STK40: variants seen among roughly 807,000 people sequenced by gnomAD.
STK40 encodes serine/threonine kinase 40, also known as serine/threonine-protein kinase 40.
In STK40, 13 loss-of-function variants were observed where a neutral mutation model predicts 47.9. That is an observed-to-expected ratio of 0.27 (90% CI 0.18 to 0.43). The LOEUF (loss-of-function observed/expected upper bound fraction) is 0.43. STK40 is among the 20% of genes least tolerant of loss of function. The pLI is 1.00. For synonymous variants in STK40, 225 were observed against 243.2 expected (o/e 0.93, Z 0.69); for missense variants, 460 against 595.1 (o/e 0.77, Z 2.36).
chr1:36,382,872 T>C (rs752256422), intron 1 of STK40, among the ~76,000 whole-genome samples: 4 of 152,214 alleles, frequency 2.6e-5, no homozygotes, highest in Admixed American at 6.5e-5. Context: ...ATGAGAAAGC[T>C]GTGGTGGAGA....
rs200829742 is a variant in STK40, at chr1:36,344,104, G to A, written c.884+16C>T. 1,798 of 715,918 alleles carry A rather than the reference G, an allele frequency of 2.5e-3. 12 individuals are homozygous for A. The African/African-American group carries it at 0.038, about 15-fold the overall frequency. 44.3% of individuals were successfully genotyped at this position (715,918 alleles called of 1,614,324 possible). A position where few individuals can be genotyped will look rare whatever the true frequency, so the allele number is the denominator to read the frequency against. On this transcript the variant is annotated intron_variant, in intron 8 of 10. Coordinates refer to ENST00000373132, the MANE Select transcript of STK40 (RefSeq NM_001282547.2). ...AGGCTGGCTGCCCCCCCCACCCCCC[G>A]GGAGGCAGGACTCACTCAGGAATGG...
In STK40 at chr1:36,385,336, CT is replaced by C. The variant is rs1462288430; in HGVS notation, c.-9+386del. Reference sequence around the variant, plus strand: ...GGCTGGCCCTCCCTGGGGACTCGTTCTAACTATCAAGTCACCCTCGGGATTA... The same window carrying C: ...GGCTGGCCCTCCCTGGGGACTCGTTCAACTATCAAGTCACCCTCGGGATTA... On this transcript the variant is annotated intron_variant, in intron 1 of 10. Coordinates refer to ENST00000373132, the MANE Select transcript of STK40 (RefSeq NM_001282547.2). Among the ~76,000 whole-genome samples, 515 of 139,482 alleles carry C rather than the reference CT, an allele frequency of 3.7e-3. 3 individuals are homozygous for C. Among genetic ancestry groups the C allele is most frequent in the African/African-American group, 0.017 (488 of 29,494 alleles). 91.5% of individuals were successfully genotyped at this position (139,482 alleles called of 152,430 possible). A position where few individuals can be genotyped will look rare whatever the true frequency, so the allele number is the denominator to read the frequency against.
At chr1:36,353,407 A>G (rs1646776342) in intron 6 of STK40, among the ~76,000 whole-genome samples, 1 of 152,154 alleles carries the variant, frequency 6.6e-6, no homozygotes, top group Admixed American at 6.5e-5. Flanking sequence ...ATCACTCCAA[A>G]GAGGCCCAGG....
chr1:36,345,992 T>TATATATATATATATATA (rs1553135170), intron 7 of STK40, among the ~76,000 whole-genome samples: 2 of 19,510 alleles, frequency 1.0e-4, no homozygotes, highest in African/African-American at 3.3e-4. Flanking sequence ...TATATATATA[T>TATATATATATATATATA]TTTTTTTTTT....
chr1:36,366,232 G>A (rs1302272473), intron 1 of STK40, among the ~76,000 whole-genome samples: 1 of 152,206 alleles, frequency 6.6e-6, no homozygotes, highest in Non-Finnish European at 1.5e-5. Flanking sequence ...CTGCAGCACA[G>A]ACAATCAGTG....
At position 36,354,461 on chromosome 1, in the gene STK40, TG is replaced by T. The variant is rs763451544; in HGVS notation, c.571-46del. 1.3e-4 allele frequency: 206 copies of T among 1,610,540 alleles called. 1 individual carries two copies. In the South Asian group the frequency reaches 1.9e-3, roughly 15 times the overall value. ...TGGTTTACATTGTCAATGTGAGAGG[TG>T]GGGTCAGGGCCCACCCTGTAAGATG... On this transcript the variant is annotated intron_variant, in intron 5 of 10. Coordinates refer to ENST00000373132, the MANE Select transcript of STK40 (RefSeq NM_001282547.2).
In STK40 at chr1:36,355,415, C is replaced by T. The variant is rs142405214; in HGVS notation, c.361G>A (p.Val121Ile). ...GLFQDRTCEI[V>I]EDTESSRMVK... ...ATCCGGCTGGATTCTGTGTCCTCAA[C>T]GATTTCACAGGTGCGGTCCTGGGAG... The change falls in exon 5 of 11, where the codon GTT becomes ATT. Residue 121 changes from valine to isoleucine, a missense_variant. Val to Ile is a conservative substitution (Grantham distance 29, BLOSUM62 3). Coordinates refer to ENST00000373132, the MANE Select transcript of STK40 (RefSeq NM_001282547.2). 3 of 1,614,074 alleles carry T rather than the reference C, an allele frequency of 1.9e-6. No homozygotes were observed. The highest frequency in any genetic ancestry group is 2.5e-6 in the Non-Finnish European group (3 of 1,180,036).
chr1:36,367,001 ATT>A (rs1273810393), intron 1 of STK40, among the ~76,000 whole-genome samples: 11,374 of 134,442 alleles, frequency 0.085, 1,486 homozygotes, highest in African/African-American at 0.29. Flanking sequence ...CACCCAGCTA[ATT>A]TTTTTTTTTT....
intron 6 of STK40, among the ~76,000 whole-genome samples, chr1:36,352,284 G>A (rs1051516854): frequency 3.3e-5 from 5 of 152,216 alleles, no homozygotes; most frequent in Admixed American, 3.3e-4. Flanking sequence ...TCCAGTCCTG[G>A]CTACATTAGC....
At chr1:36,377,935 GTCTCA>G (rs1379149719) in intron 1 of STK40, among the ~76,000 whole-genome samples, 1 of 152,212 alleles carries the variant, frequency 6.6e-6, no homozygotes, top group African/African-American at 2.4e-5. Context: ...AAAGCCCTGT[GTCTCA>G]TGACTACCTT....
intron 1 of STK40, among the ~76,000 whole-genome samples, chr1:36,380,155 G>C (rs778315245): frequency 2.3e-4 from 35 of 152,216 alleles, no homozygotes; most frequent in Non-Finnish European, 4.4e-4. Flanking sequence ...AGGATATGCG[G>C]GGGCTGCTGT....
Position 36,358,402 on chromosome 1 carries a change from T to C in STK40, c.199-20A>G. 1 of 1,581,366 alleles carries C rather than the reference T, an allele frequency of 6.3e-7. No homozygotes were observed. Among genetic ancestry groups the C allele is most frequent in the Non-Finnish European group, 8.7e-7 (1 of 1,155,770 alleles). On this transcript the variant is annotated intron_variant, in intron 3 of 10. Transcript: ENST00000373132. ...CAGGATCTTTAGGAAAGCATAAAAA[T>C]AAAACCAAAACCAGAACACCTCACT... is the stretch of plus-strand genomic sequence containing the variant.
intron 5 of STK40, among the ~76,000 whole-genome samples, chr1:36,354,664 C>T (rs1435320522): frequency 6.6e-6 from 1 of 152,150 alleles, no homozygotes; most frequent in African/African-American, 2.4e-5. Flanking sequence ...GCTCTTTCTC[C>T]CCTCAGGGCA....
chr1:36,354,821 C>T (rs1646788838), intron 5 of STK40, among the ~76,000 whole-genome samples: 1 of 152,200 alleles, frequency 6.6e-6, no homozygotes, highest in African/African-American at 2.4e-5. Flanking sequence ...CGGGAAGAGG[C>T]TCAGGCTCTC....
Position 36,385,864 on chromosome 1 carries a change from G to T in STK40, c.-150C>A, listed in dbSNP as rs556587459. 2.2e-3 allele frequency: 392 copies of T among 176,932 alleles called. No homozygotes were observed. The highest frequency in any genetic ancestry group is 5.0e-3 in the South Asian group (37 of 7,458). The allele number at this position is 176,932 out of a possible 1,614,324, so 11.0% of individuals were successfully genotyped here. ...GCCTCCCAGCGCAGCCACCCGAGCC[G>T]CCGCCGCCGCCGCCGCCGCCTCCCT... On this transcript the variant is annotated 5_prime_UTR_variant, in exon 1 of 11. Coordinates refer to ENST00000373132, the MANE Select transcript of STK40 (RefSeq NM_001282547.2).
In STK40 at chr1:36,341,049, G is replaced by A. The variant is rs1646642189; in HGVS notation, c.*706C>T. The A allele has an allele frequency of 6.6e-6, 1 of 152,646 alleles. No homozygotes were observed. Among genetic ancestry groups the A allele is most frequent in the African/African-American group, 2.4e-5 (1 of 41,562 alleles). The allele number at this position is 152,646 out of a possible 1,614,324, so 9.5% of individuals were successfully genotyped here. A position where few individuals can be genotyped will look rare whatever the true frequency, so the allele number is the denominator to read the frequency against. ...GGACTGGTGGGCTGAAAGGGGACAG[G>A]GACTGGCAGGAGGGGCTTCCCTGCC... On this transcript the variant is annotated 3_prime_UTR_variant, in exon 11 of 11. Coordinates refer to ENST00000373132, the MANE Select transcript of STK40 (RefSeq NM_001282547.2).
Position 36,341,876 on chromosome 1 carries a change from C to G in STK40, c.1187G>C (p.Arg396Pro). The part of the protein sequence containing the change: ...AEEKSSIHDA[R>P]SWVPKRQFGS... ...GAACTGCCGCTTGGGTACCCAGCTCCGGGCGTCATGGATGGAGCTCTTCTC... is the reference window on the plus strand; with the variant it reads ...GAACTGCCGCTTGGGTACCCAGCTCGGGGCGTCATGGATGGAGCTCTTCTC... The change falls in exon 11 of 11, where the codon CGG becomes CCG. Residue 396 changes from arginine to proline, a missense_variant. Arg to Pro is a moderately radical substitution (Grantham distance 103). Coordinates refer to ENST00000373132, the MANE Select transcript of STK40 (RefSeq NM_001282547.2). The G allele has an allele frequency of 6.2e-7, 1 of 1,614,000 alleles. No homozygotes were observed.
chr1:36,377,017 C>T (rs895251578), intron 1 of STK40, among the ~76,000 whole-genome samples: 34 of 151,898 alleles, frequency 2.2e-4, no homozygotes, highest in Admixed American at 6.6e-4. Flanking sequence ...ATGATCCACT[C>T]GCCTCGGCCT....
chr1:36,382,205 G>T (rs1231964441), intron 1 of STK40, among the ~76,000 whole-genome samples: 12 of 151,700 alleles, frequency 7.9e-5, no homozygotes, highest in African/African-American at 2.4e-4. Flanking sequence ...TTTGAGACAG[G>T]GTCTCACTGT....
Sources: allele counts gnomAD v4.1 joint callset (sites outside exome capture counted in the v4.1 genomes callset), GRCh38; gene constraint gnomAD v4.1.1; transcripts MANE v1.5; gene names NCBI Gene and HGNC (gene_info 2026-07-23, HGNC 2026-07-21).